VTI1A: variants seen among roughly 807,000 people sequenced by gnomAD.
VTI1A encodes the protein vesicle transport through interaction with t-SNAREs homolog 1A.
VTI1A carries 22 observed loss-of-function variants against 34.9 expected under a neutral mutation model. The ratio of observed to expected loss-of-function variants is 0.63; its 90% CI spans 0.45 to 0.90. The LOEUF is 0.90. Ranked by LOEUF, VTI1A falls within the 40% of genes least tolerant of loss-of-function variation. VTI1A has a pLI of 0.00. For synonymous variants in VTI1A, 87 were observed against 97.3 expected, an observed-to-expected ratio of 0.89 and a Z score of 0.62; for missense variants, 268 against 275.6, an observed-to-expected ratio of 0.97 and a Z score of 0.20.
At chr10:112,739,542 C>T (rs1850618129) in intron 7 of VTI1A, among the ~76,000 whole-genome samples, 1 of 152,218 alleles carries the variant, frequency 6.6e-6, no homozygotes, top group South Asian at 2.1e-4. Context: ...GTTTTCCGAA[C>T]CTCTTTTCAT....
intron 5 of VTI1A, among the ~76,000 whole-genome samples, chr10:112,658,547 C>A (rs1229127073): frequency 6.6e-6 from 1 of 152,128 alleles, no homozygotes; most frequent in Non-Finnish European, 1.5e-5. Context: ...TCTTAAAATG[C>A]GGCATATACT....
At chr10:112,463,253 A>C (rs1455601149) in intron 2 of VTI1A, among the ~76,000 whole-genome samples, 1 of 152,122 alleles carries the variant, frequency 6.6e-6, no homozygotes, top group Non-Finnish European at 1.5e-5. Context: ...GGCAACTACA[A>C]GTAAGCCACT....
At chr10:112,790,024 T>C (rs1250892459) in intron 7 of VTI1A, among the ~76,000 whole-genome samples, 1 of 152,060 alleles carries the variant, frequency 6.6e-6, no homozygotes, top group African/African-American at 2.4e-5. Flanking sequence ...TAATATATTG[T>C]AGCAACACAA....
intron 2 of VTI1A, 103 bp downstream of exon 2, chr10:112,460,685 G>T (rs2134041814): frequency 1.2e-6 from 1 of 849,290 alleles, no homozygotes. Context: ...AAGCATTGCT[G>T]ATTAGCATTT....
chr10:112,740,673 A>G (rs1229734581), intron 7 of VTI1A, among the ~76,000 whole-genome samples: 1 of 152,248 alleles, frequency 6.6e-6, no homozygotes, highest in Non-Finnish European at 1.5e-5. Context: ...GACAGTAACA[A>G]GTGCTGACAA....
rs1350356577 is a variant in VTI1A at position 112,618,522 on chromosome 10, T to TAGAGAGAGAGAG, written c.428-49695_428-49694insGAGAGAGAGAGA. ...ATATATATATATATATATATATATA[T>TAGAGAGAGAGAG]ATAGAGAGAGAGAGAGAGAGAGAGA... On this transcript the variant is annotated intron_variant, in intron 5 of 7. Coordinates refer to ENST00000393077, the MANE Select transcript of VTI1A (RefSeq NM_145206.4). 9.2e-3 allele frequency among the ~76,000 whole-genome samples: 403 copies of TAGAGAGAGAGAG among 43,580 alleles called. 5 individuals carry two copies. The highest frequency in any genetic ancestry group is 0.011 in the Non-Finnish European group (301 of 27,720). 28.6% of individuals were successfully genotyped at this position (43,580 alleles called of 152,430 possible).
chr10:112,673,584 A>G (rs1365876249), intron 7 of VTI1A, among the ~76,000 whole-genome samples: 1 of 152,218 alleles, frequency 6.6e-6, no homozygotes, highest in Non-Finnish European at 1.5e-5. Context: ...GTCTTTTGTA[A>G]CTAATCTGTA....
upstream of VTI1A, chr10:112,447,024 G>GGTCT: frequency 2.5e-5 from 7 of 283,964 alleles, no homozygotes; most frequent in South Asian, 1.3e-4. Flanking sequence ...TGGATCCGGA[G>GGTCT]CCGATTCCCA....
intron 5 of VTI1A, among the ~76,000 whole-genome samples, chr10:112,542,460 C>T (rs144443388): frequency 6.6e-6 from 1 of 152,118 alleles, no homozygotes; most frequent in Non-Finnish European, 1.5e-5. Context: ...GTCACCCCTT[C>T]TCTCAGTAGT....
In VTI1A at chr10:112,606,175, G is replaced by A. The variant is rs538232153; in HGVS notation, c.428-62043G>A. ...CGAGTAGCTGGGATTACAGGTGCACGCCACCACCCCTGGCTAATTTTGTAT... is the reference window on the plus strand; with the variant it reads ...CGAGTAGCTGGGATTACAGGTGCACACCACCACCCCTGGCTAATTTTGTAT... On this transcript the variant is annotated intron_variant, in intron 5 of 7. Transcript: ENST00000393077. Among the ~76,000 whole-genome samples, 78 of 151,786 alleles carry A rather than the reference G, an allele frequency of 5.1e-4. 1 individual carries two copies. Among genetic ancestry groups the A allele is most frequent in the Admixed American group, 1.2e-3 (19 of 15,220 alleles).
At chr10:112,486,375 A>G (rs1314339991) in intron 3 of VTI1A, among the ~76,000 whole-genome samples, 3 of 152,168 alleles carry the variant, frequency 2.0e-5, no homozygotes, top group African/African-American at 4.8e-5. Context: ...CTACCTCACA[A>G]TGGGTTAATC....
intron 7 of VTI1A, among the ~76,000 whole-genome samples, chr10:112,740,017 A>C (rs1157337761): frequency 6.6e-6 from 1 of 152,244 alleles, no homozygotes; most frequent in East Asian, 1.9e-4. Context: ...AATGCCAAAC[A>C]ATAACACAAA....
intron 5 of VTI1A, among the ~76,000 whole-genome samples, chr10:112,563,110 C>T (rs904898336): frequency 1.8e-4 from 27 of 152,264 alleles, no homozygotes; most frequent in African/African-American, 5.8e-4. Flanking sequence ...TCCATTGTCA[C>T]GTGTTTACGG....
chr10:112,509,296 C>G (rs1849534640), intron 3 of VTI1A, among the ~76,000 whole-genome samples: 2 of 152,128 alleles, frequency 1.3e-5, no homozygotes, highest in African/African-American at 4.8e-5. Flanking sequence ...TGAACCCAGG[C>G]TCATCAGTTG....
chr10:112,834,208 C>G, the VTI1A span, among the ~76,000 whole-genome samples: 1 of 152,142 alleles, frequency 6.6e-6, no homozygotes, highest in Non-Finnish European at 1.5e-5. Context: ...ACCAAGGCCA[C>G]CAGCCTCGAC....
At chr10:112,699,937 G>A (rs1161531330) in intron 7 of VTI1A, among the ~76,000 whole-genome samples, 1 of 151,770 alleles carries the variant, frequency 6.6e-6, no homozygotes, top group African/African-American at 2.4e-5. Flanking sequence ...TGGCCAAGAT[G>A]GTGAAATCCT....
At chr10:112,691,298 T>TAAAC (rs1257890850) in intron 7 of VTI1A, among the ~76,000 whole-genome samples, 1 of 150,500 alleles carries the variant, frequency 6.6e-6, no homozygotes, top group African/African-American at 2.5e-5. Flanking sequence ...AATAAATAAA[T>TAAAC]AAATAAATGA....
At chr10:112,842,838 C>T in the VTI1A span, among the ~76,000 whole-genome samples, 1 of 152,116 alleles carries the variant, frequency 6.6e-6, no homozygotes, top group Non-Finnish European at 1.5e-5. Flanking sequence ...CTGTAGCTGT[C>T]AGGGGGGTTG....
the VTI1A span, chr10:112,824,847 G>C: frequency 6.6e-6 from 1 of 152,244 alleles, no homozygotes; most frequent in Non-Finnish European, 1.5e-5. Flanking sequence ...GTAGGTCTCT[G>C]CTAGCTCCCA....
Sources: gnomAD v4.1 joint callset for allele counts (sites outside exome capture counted in the v4.1 genomes callset) on GRCh38, gnomAD v4.1.1 for gene constraint, MANE v1.5 for transcripts, NCBI Gene and HGNC (gene_info 2026-07-23, HGNC 2026-07-21) for gene names.